Variants in SLC4A8 observed in about 807,000 individuals in gnomAD.
The protein encoded by SLC4A8 is electroneutral sodium bicarbonate exchanger 1.
In SLC4A8, 40 loss-of-function variants were observed where a neutral mutation model predicts 125.0. That is an observed-to-expected ratio of 0.32 (90% CI 0.25 to 0.42). The LOEUF (loss-of-function observed/expected upper bound fraction) is 0.42. Ranked by LOEUF, SLC4A8 falls within the 10% of genes least tolerant of loss-of-function variation. The pLI is 1.00. For synonymous variants in SLC4A8, 456 were observed against 476.0 expected, an observed-to-expected ratio of 0.96 and a Z score of 0.55; for missense variants, 863 against 1,355.1, an observed-to-expected ratio of 0.64 and a Z score of 5.70.
intron 16 of SLC4A8, among the ~76,000 whole-genome samples, chr12:51,475,460 T>A (rs1039679936): frequency 6.6e-6 from 1 of 152,236 alleles, no homozygotes; most frequent in African/African-American, 2.4e-5. Context: ...GATGGTTTTT[T>A]AAAAGTTATT....
intron 1 of SLC4A8, among the ~76,000 whole-genome samples, chr12:51,417,495 C>T (rs187047031): frequency 1.3e-4 from 19 of 151,806 alleles, no homozygotes; most frequent in South Asian, 1.2e-3. Flanking sequence ...TACAGGCATG[C>T]GCCACCATGC....
At chr12:51,482,040 C>T (rs1348624320) in intron 16 of SLC4A8, among the ~76,000 whole-genome samples, 1 of 152,170 alleles carries the variant, frequency 6.6e-6, no homozygotes, top group Non-Finnish European at 1.5e-5. Flanking sequence ...AGATTTCCCA[C>T]TCAGTAAATC....
chr12:51,420,643 C>T (rs1247559998), upstream of SLC4A8, among the ~76,000 whole-genome samples: 4 of 152,082 alleles, frequency 2.6e-5, no homozygotes, highest in African/African-American at 9.7e-5. Flanking sequence ...CACCGCTTTC[C>T]CCAAAGTTTA....
At chr12:51,439,100 A>G (rs950323780) in intron 1 of SLC4A8, among the ~76,000 whole-genome samples, 3 of 152,258 alleles carry the variant, frequency 2.0e-5, no homozygotes, top group South Asian at 2.1e-4. Flanking sequence ...TCTGTTGCCC[A>G]TGCTGGAGTA....
At chr12:51,499,623 C>CCACACACA (rs1937754912) in intron 22 of SLC4A8, among the ~76,000 whole-genome samples, 1 of 71,938 alleles carries the variant, frequency 1.4e-5, no homozygotes, top group Non-Finnish European at 2.8e-5. Flanking sequence ...TGCTATAATT[C>CCACACACA]TACACACACA....
intron 1 of SLC4A8, among the ~76,000 whole-genome samples, chr12:51,432,575 T>C (rs907919110): frequency 2.6e-5 from 4 of 151,604 alleles, no homozygotes; most frequent in African/African-American, 2.4e-5. Flanking sequence ...ATACAAAAAT[T>C]AGCTGGGCGT....
intron 14 of SLC4A8, among the ~76,000 whole-genome samples, chr12:51,473,598 C>T (rs1950772202): frequency 6.6e-6 from 1 of 152,186 alleles, no homozygotes; most frequent in African/African-American, 2.4e-5. Flanking sequence ...AATTCACAGA[C>T]CATACAAAGT....
At chr12:51,486,949 G>T (rs1228284831) in intron 17 of SLC4A8, among the ~76,000 whole-genome samples, 1 of 152,198 alleles carries the variant, frequency 6.6e-6, no homozygotes, top group African/African-American at 2.4e-5. Flanking sequence ...TTGTGTGAAT[G>T]AGCACAATCA....
chr12:51,449,752 G>T (rs1949902897), intron 2 of SLC4A8, among the ~76,000 whole-genome samples: 1 of 152,134 alleles, frequency 6.6e-6, no homozygotes, highest in African/African-American at 2.4e-5. Flanking sequence ...GCTTATAGAA[G>T]GAATGAGGCC....
intron 1 of SLC4A8, among the ~76,000 whole-genome samples, chr12:51,419,796 C>T (rs1249250807): frequency 6.6e-6 from 1 of 152,210 alleles, no homozygotes; most frequent in Non-Finnish European, 1.5e-5. Flanking sequence ...GCCCCAGAGC[C>T]TCTCTCAGTT....
chr12:51,471,258 C>T (rs778939488), intron 13 of SLC4A8, 29 bp from the exon 14 acceptor site: 83 of 1,597,708 alleles, frequency 5.2e-5, no homozygotes, highest in East Asian at 2.2e-4. Context: ...TCCATCCATG[C>T]GTTCTGATGA....
At position 51,485,871 on chromosome 12, in the gene SLC4A8, C is replaced by T; in HGVS notation, c.2257C>T (p.Pro753Ser). 6.2e-7 allele frequency: 1 copy of T among 1,610,674 alleles called. No individual in the cohort carries two copies. The highest frequency in any genetic ancestry group is 8.5e-7 in the Non-Finnish European group (1 of 1,176,894). ...TGATTTTTTGATTGGAGTCCCATCA[C>T]CAAAGCTTCAAGTTCCCAGTGTGTT... ...IIDFLIGVPS[P>S]KLQVPSVFKP... The change falls in exon 17 of 25, where the codon CCA (proline) becomes TCA (serine). Residue 753 changes from proline (P) to serine (S), a missense_variant. By Grantham distance (74) the Pro-to-Ser change is moderately conservative. Coordinates refer to ENST00000453097, the MANE Select transcript of SLC4A8 (RefSeq NM_001039960.3).
At chr12:51,485,343 A>G (rs1951134102) in intron 16 of SLC4A8, among the ~76,000 whole-genome samples, 1 of 152,200 alleles carries the variant, frequency 6.6e-6, no homozygotes, top group African/African-American at 2.4e-5. Flanking sequence ...GGCGGTGGTA[A>G]GAAGTGATCA....
At chr12:51,445,516 C>G (rs1949745981) in intron 2 of SLC4A8, among the ~76,000 whole-genome samples, 1 of 152,110 alleles carries the variant, frequency 6.6e-6, no homozygotes, top group Admixed American at 6.5e-5. Flanking sequence ...CACATAGATT[C>G]TTCATGACCT....
At chr12:51,392,509 G>A (rs544487323) in intron 1 of SLC4A8, among the ~76,000 whole-genome samples, 2 of 146,934 alleles carry the variant, frequency 1.4e-5, no homozygotes, top group East Asian at 4.0e-4. Context: ...GGAGGGGGAG[G>A]TTGCAGTGAG....
intron 1 of SLC4A8, among the ~76,000 whole-genome samples, chr12:51,426,500 A>T (rs1351111406): frequency 6.6e-6 from 1 of 152,246 alleles, no homozygotes; most frequent in African/African-American, 2.4e-5. Context: ...ATAAGCGTGT[A>T]TAACAGTGGT....
intron 1 of SLC4A8, among the ~76,000 whole-genome samples, chr12:51,418,178 T>C (rs1425374557): frequency 6.6e-6 from 1 of 152,018 alleles, no homozygotes; most frequent in Non-Finnish European, 1.5e-5. Flanking sequence ...AGGAGAGCAT[T>C]TGGAATGAAG....
chr12:51,457,295 C>T (rs1200644502), intron 5 of SLC4A8, 56 bp from the exon 6 acceptor site: 5 of 1,511,058 alleles, frequency 3.3e-6, no homozygotes, highest in Admixed American at 1.7e-5. Flanking sequence ...TGATGTTGGC[C>T]TTCTTGGGTT....
upstream of SLC4A8, among the ~76,000 whole-genome samples, chr12:51,421,297 C>T (rs1948784751): frequency 6.6e-6 from 1 of 152,166 alleles, no homozygotes; most frequent in Non-Finnish European, 1.5e-5. Context: ...TGTTAGGAGC[C>T]TCGTGCTTAG....
Sources: allele counts gnomAD v4.1 joint callset (sites outside exome capture counted in the v4.1 genomes callset), GRCh38; gene constraint gnomAD v4.1.1; transcripts MANE v1.5; gene names NCBI Gene and HGNC (gene_info 2026-07-23, HGNC 2026-07-21).